Variants in ZCCHC7 observed in about 807,000 individuals in gnomAD.
ZCCHC7 encodes the protein zinc finger CCHC-type containing 7.
A neutral mutation model predicts 52.0 loss-of-function variants in ZCCHC7; 35 were observed. The observed-to-expected ratio is 0.67, with a 90% CI of 0.51 to 0.89. ZCCHC7 has a LOEUF of 0.89. ZCCHC7 is among the 40% of genes least tolerant of loss of function. The probability of loss-of-function intolerance (pLI) is 0.00; values close to 1 mark genes in which losing one functional copy is unlikely to be tolerated. For synonymous variants in ZCCHC7, 217 were observed against 221.5 expected (o/e 0.98, Z 0.18); for missense variants, 574 against 649.1 (o/e 0.88, Z 1.26).
chr9:37,253,853 A>G (rs778115459), intron 2 of ZCCHC7, among the ~76,000 whole-genome samples: 4 of 152,012 alleles, frequency 2.6e-5, no homozygotes, highest in Admixed American at 6.5e-5. Context: ...CTTTTATACA[A>G]TTAAACCATC....
chr9:37,265,719 T>A (rs1425599594), intron 2 of ZCCHC7, among the ~76,000 whole-genome samples: 4 of 152,236 alleles, frequency 2.6e-5, no homozygotes, highest in African/African-American at 9.6e-5. Context: ...AGAGGTCTCA[T>A]CATGGCTTTC....
chr9:37,250,008 CA>C (rs1323032277), intron 2 of ZCCHC7, among the ~76,000 whole-genome samples: 1 of 150,396 alleles, frequency 6.6e-6, no homozygotes, highest in Non-Finnish European at 1.5e-5. Flanking sequence ...GATAAGCAGT[CA>C]GATTCTGATT....
intron 5 of ZCCHC7, among the ~76,000 whole-genome samples, chr9:37,325,734 C>CA (rs1316618539): frequency 6.6e-6 from 1 of 151,948 alleles, no homozygotes; most frequent in African/African-American, 2.4e-5. Context: ...ATAAGTATTA[C>CA]AAAAAATAGC....
chr9:37,188,679 A>C (rs192020183), intron 2 of ZCCHC7, among the ~76,000 whole-genome samples: 1 of 5,434 alleles, frequency 1.8e-4, no homozygotes, highest in African/African-American at 9.3e-4. Flanking sequence ...CTCCTCCCCT[A>C]TCTCACCTCC....
At chr9:37,349,927 A>G (rs1293231005) in intron 7 of ZCCHC7, among the ~76,000 whole-genome samples, 3 of 151,744 alleles carry the variant, frequency 2.0e-5, no homozygotes, top group Non-Finnish European at 4.4e-5. Flanking sequence ...AGCTGGGATT[A>G]CAGGCGCCTG....
chr9:37,243,655 C>T (rs972629850), intron 2 of ZCCHC7, among the ~76,000 whole-genome samples: 1 of 151,988 alleles, frequency 6.6e-6, no homozygotes, highest in African/African-American at 2.4e-5. Context: ...ATTCAAACTG[C>T]ACTGTGGACT....
At chr9:37,332,151 A>G (rs979613560) in intron 6 of ZCCHC7, among the ~76,000 whole-genome samples, 1 of 151,608 alleles carries the variant, frequency 6.6e-6, no homozygotes, top group African/African-American at 2.4e-5. Flanking sequence ...TTGAGACATT[A>G]CATCTCTGCC....
chr9:37,312,957 G>A (rs7046268), intron 5 of ZCCHC7, among the ~76,000 whole-genome samples: 7,726 of 152,172 alleles, frequency 0.051, 645 homozygotes, highest in African/African-American at 0.17. Flanking sequence ...ACTTAGATGT[G>A]TAAAATCACG....
At chr9:37,308,878 G>A (rs1483963767) in intron 5 of ZCCHC7, among the ~76,000 whole-genome samples, 1 of 151,888 alleles carries the variant, frequency 6.6e-6, no homozygotes, top group Non-Finnish European at 1.5e-5. Context: ...CTACTCAGGA[G>A]GCTGAAGCAG....
At chr9:37,203,352 G>A (rs1823734212) in intron 2 of ZCCHC7, among the ~76,000 whole-genome samples, 1 of 152,114 alleles carries the variant, frequency 6.6e-6, no homozygotes, top group East Asian at 1.9e-4. Flanking sequence ...TACAGAATGT[G>A]TAGGTTTGTT....
intron 2 of ZCCHC7, among the ~76,000 whole-genome samples, chr9:37,260,603 A>T (rs530729760): frequency 6.6e-6 from 1 of 152,340 alleles, no homozygotes; most frequent in African/African-American, 2.4e-5. Flanking sequence ...CCGAAGTACT[A>T]AGACTACTAA....
intron 5 of ZCCHC7, among the ~76,000 whole-genome samples, chr9:37,324,382 C>T (rs1044264662): frequency 2.6e-5 from 4 of 152,218 alleles, no homozygotes; most frequent in Non-Finnish European, 2.9e-5. Flanking sequence ...ATGTATGTGA[C>T]GTGCATTCTG....
rs146993280 is a variant in ZCCHC7 at position 37,349,771 on chromosome 9, C to T, written c.1083+319C>T. On this transcript the variant is annotated intron_variant, in intron 7 of 8. Transcript: ENST00000336755. ...CTTACAAACACAATTGCTTTGACAC[C>T]GCCATAGCATGATTTTAGATTTTCT... Among the ~76,000 whole-genome samples, 431 of 152,056 alleles carry T rather than the reference C, an allele frequency of 2.8e-3. 2 individuals carry two copies. Among genetic ancestry groups the T allele is most frequent in the African/African-American group, 9.7e-3 (401 of 41,468 alleles).
intron 2 of ZCCHC7, among the ~76,000 whole-genome samples, chr9:37,227,885 T>G (rs1372004457): frequency 1.3e-5 from 2 of 152,114 alleles, no homozygotes; most frequent in African/African-American, 4.8e-5. Context: ...TCACTCTGCC[T>G]CCCAGGTTCA....
At chr9:37,195,076 A>G (rs1823220989) in intron 2 of ZCCHC7, among the ~76,000 whole-genome samples, 1 of 150,462 alleles carries the variant, frequency 6.6e-6, no homozygotes, top group Non-Finnish European at 1.5e-5. Context: ...CCTCCCTAGT[A>G]GCTAGGATTA....
At chr9:37,253,546 A>G (rs908583259) in intron 2 of ZCCHC7, among the ~76,000 whole-genome samples, 3 of 152,060 alleles carry the variant, frequency 2.0e-5, no homozygotes, top group Non-Finnish European at 4.4e-5. Context: ...GAAGAAGAAA[A>G]GAACAAATTT....
At chr9:37,314,491 C>A (rs1484946485) in intron 5 of ZCCHC7, among the ~76,000 whole-genome samples, 1 of 151,972 alleles carries the variant, frequency 6.6e-6, no homozygotes, top group Non-Finnish European at 1.5e-5. Flanking sequence ...CTATTAAATC[C>A]ACTAATACGA....
chr9:37,230,127 G>A (rs914326967), intron 2 of ZCCHC7, among the ~76,000 whole-genome samples: 3 of 152,212 alleles, frequency 2.0e-5, no homozygotes. Context: ...ATTCCTCTGA[G>A]GGACCTGTTT....
chr9:37,301,787 T>C (rs1036892883), intron 2 of ZCCHC7, among the ~76,000 whole-genome samples: 8 of 152,204 alleles, frequency 5.3e-5, no homozygotes, highest in African/African-American at 1.9e-4. Flanking sequence ...TCAGTAAAGC[T>C]CTGCTTTAGT....
Sources: gnomAD v4.1 joint callset for allele counts (sites outside exome capture counted in the v4.1 genomes callset) on GRCh38, gnomAD v4.1.1 for gene constraint, MANE v1.5 for transcripts, NCBI Gene and HGNC (gene_info 2026-07-23, HGNC 2026-07-21) for gene names.